Variants in PTPRD observed in about 807,000 individuals in gnomAD.
PTPRD encodes receptor-type tyrosine-protein phosphatase delta.
PTPRD carries 34 observed loss-of-function variants against 214.5 expected under a neutral mutation model. The ratio of observed to expected loss-of-function variants is 0.16; its 90% CI spans 0.12 to 0.21. The LOEUF is 0.21. PTPRD is among the 10% of genes least tolerant of loss of function. PTPRD has a pLI of 1.00. For synonymous variants in PTPRD, 1,128 were observed against 845.7 expected (o/e 1.33, Z -5.79); for missense variants, 2,545 against 2,398.7 (o/e 1.06, Z -1.27).
chr9:8,408,513 C>T (rs997056377), intron 35 of PTPRD, among the ~76,000 whole-genome samples: 8 of 152,046 alleles, frequency 5.3e-5, no homozygotes, highest in Non-Finnish European at 7.4e-5. Context: ...GAGAATTTTG[C>T]AAGTTAGAAA....
At chr9:9,094,228 A>G (rs1029625958) in intron 10 of PTPRD, among the ~76,000 whole-genome samples, 4 of 152,214 alleles carry the variant, frequency 2.6e-5, no homozygotes, top group Non-Finnish European at 4.4e-5. Context: ...ATGCACACGC[A>G]TATTTATAGC....
chr9:10,301,476 T>G lies in PTPRD; in HGVS notation c.-545+39487A>C, dbSNP rs138848684. Among the ~76,000 whole-genome samples, 234 of 152,280 alleles carry G rather than the reference T, an allele frequency of 1.5e-3. 4 individuals are homozygous for G. Among genetic ancestry groups the G allele is most frequent in the African/African-American group, 5.2e-3 (218 of 41,554 alleles). ...TGGGTAATAACAAACTCCTCCGAGC[T>G]AAAGAGGCATGTTCTAACCCTTCGC... On this transcript the variant is annotated intron_variant, in intron 3 of 45. Transcript: ENST00000381196.
chr9:10,430,390 C>T (rs191189684), intron 2 of PTPRD, among the ~76,000 whole-genome samples: 1 of 151,876 alleles, frequency 6.6e-6, no homozygotes, highest in Non-Finnish European at 1.5e-5. Flanking sequence ...GGTTAAATTA[C>T]TTTACGCGTG....
intron 14 of PTPRD, among the ~76,000 whole-genome samples, chr9:8,580,328 A>T (rs1182450074): frequency 6.6e-6 from 1 of 152,242 alleles, no homozygotes; most frequent in Admixed American, 6.5e-5. Context: ...TAATAAGAAA[A>T]TAGTTTAGAA....
chr9:8,664,247 A>T (rs1345783216), intron 12 of PTPRD, among the ~76,000 whole-genome samples: 1 of 152,206 alleles, frequency 6.6e-6, no homozygotes, highest in Non-Finnish European at 1.5e-5. Context: ...CTTTAAAAAA[A>T]TGACCAAGCA....
intron 5 of PTPRD, among the ~76,000 whole-genome samples, chr9:9,841,089 T>C (rs181226943): frequency 9.0e-4 from 137 of 152,334 alleles, no homozygotes; most frequent in African/African-American, 3.3e-3. Flanking sequence ...TGTTTTTGTC[T>C]ATTTTTCTTG....
chr9:9,202,113 GCA>G (rs1198072367), intron 9 of PTPRD, among the ~76,000 whole-genome samples: 1 of 152,202 alleles, frequency 6.6e-6, no homozygotes, highest in Non-Finnish European at 1.5e-5. Flanking sequence ...GTGTTGGGTA[GCA>G]CACACAGAGG....
intron 10 of PTPRD, among the ~76,000 whole-genome samples, chr9:9,129,088 C>A (rs992984500): frequency 6.6e-6 from 1 of 152,156 alleles, no homozygotes; most frequent in Admixed American, 6.5e-5. Flanking sequence ...TAACACAAGG[C>A]TTTATCTAAT....
At chr9:9,308,832 A>G (rs904072814) in intron 9 of PTPRD, among the ~76,000 whole-genome samples, 19 of 152,146 alleles carry the variant, frequency 1.2e-4, no homozygotes, top group African/African-American at 4.6e-4. Context: ...TAAACTACAA[A>G]ATTTTCAAAC....
intron 42 of PTPRD, 52 bp downstream of exon 42, chr9:8,340,291 T>G: frequency 2.7e-6 from 4 of 1,508,206 alleles, no homozygotes; most frequent in East Asian, 2.3e-5. Flanking sequence ...AGTCTTCATT[T>G]CTCCACAGAG....
chr9:9,870,038 T>C (rs1418295526), intron 5 of PTPRD, among the ~76,000 whole-genome samples: 1 of 152,110 alleles, frequency 6.6e-6, no homozygotes, highest in African/African-American at 2.4e-5. Context: ...GGGTAGGTCC[T>C]ATTGAAGTAT....
At chr9:9,595,899 T>C (rs551067604) in intron 7 of PTPRD, among the ~76,000 whole-genome samples, 1 of 151,892 alleles carries the variant, frequency 6.6e-6, no homozygotes, top group Admixed American at 6.6e-5. Flanking sequence ...GCTAAAGAAC[T>C]TGCTCATGTA....
At chr9:9,480,728 T>A (rs1004201258) in intron 8 of PTPRD, among the ~76,000 whole-genome samples, 1 of 152,282 alleles carries the variant, frequency 6.6e-6, no homozygotes, top group African/African-American at 2.4e-5. Flanking sequence ...AATTTCCTTT[T>A]ATTTAGGATG....
intron 14 of PTPRD, among the ~76,000 whole-genome samples, chr9:8,615,918 T>C (rs923033748): frequency 2.0e-5 from 3 of 152,150 alleles, no homozygotes; most frequent in Non-Finnish European, 4.4e-5. Context: ...AGCTAGTCTG[T>C]GCTACAGCCA....
At chr9:9,430,442 A>C (rs1423283089) in intron 8 of PTPRD, among the ~76,000 whole-genome samples, 1 of 152,086 alleles carries the variant, frequency 6.6e-6, no homozygotes, top group Non-Finnish European at 1.5e-5. Flanking sequence ...GTTCATGGAC[A>C]GGAAGAATCA....
At chr9:9,420,168 A>G (rs1338000655) in intron 8 of PTPRD, among the ~76,000 whole-genome samples, 1 of 151,812 alleles carries the variant, frequency 6.6e-6, no homozygotes, top group Non-Finnish European at 1.5e-5. Flanking sequence ...CAGATTAATC[A>G]CTATAAAGCT....
intron 35 of PTPRD, among the ~76,000 whole-genome samples, chr9:8,407,351 T>C (rs916320244): frequency 6.6e-5 from 10 of 152,158 alleles, no homozygotes; most frequent in Non-Finnish European, 1.5e-4. Context: ...TAAAGAAAGA[T>C]TAATTTAATT....
intron 8 of PTPRD, among the ~76,000 whole-genome samples, chr9:9,539,590 A>G (rs547783466): frequency 6.6e-6 from 1 of 151,922 alleles, no homozygotes; most frequent in South Asian, 2.1e-4. Flanking sequence ...CTTTAACTAA[A>G]AGTGTTCATC....
chr9:8,378,854 A>C lies in PTPRD; in HGVS notation c.4387-2128T>G, dbSNP rs894164689. On this transcript the variant is annotated intron_variant, in intron 37 of 45. Coordinates refer to ENST00000381196, the MANE Select transcript of PTPRD (RefSeq NM_002839.4). ...AGAATGAGAAGGCAACCTTCATACA[A>C]CTTTTGGAAAAATGACTCTCCATCT... Among the ~76,000 whole-genome samples, 4 of 152,074 alleles carry C rather than the reference A, an allele frequency of 2.6e-5. 1 individual carries two copies. The South Asian group carries it at 8.3e-4, about 31-fold the overall frequency.
Sources: allele counts gnomAD v4.1 joint callset (sites outside exome capture counted in the v4.1 genomes callset), GRCh38; gene constraint gnomAD v4.1.1; transcripts MANE v1.5; gene names NCBI Gene and HGNC (gene_info 2026-07-23, HGNC 2026-07-21).